The following CACNB3 variants were observed in gnomAD, a reference collection of about 807,000 sequenced individuals.
CACNB3 encodes the protein calcium voltage-gated channel auxiliary subunit beta 3.
CACNB3 carries 36 observed loss-of-function variants against 63.7 expected under a neutral mutation model. The observed-to-expected ratio is 0.57, with a 90% CI of 0.43 to 0.75. The LOEUF is 0.75. Among genes scored for constraint, CACNB3 ranks in the 30% least tolerant of loss-of-function variants. The pLI, the probability that CACNB3 is intolerant of heterozygous loss-of-function variation, is 0.00. For synonymous variants in CACNB3, 241 were observed against 250.6 expected (o/e 0.96, Z 0.36); for missense variants, 493 against 648.6 (o/e 0.76, Z 2.61).
At chr12:48,822,149 C>CTT (rs1384913607) in intron 1 of CACNB3, among the ~76,000 whole-genome samples, 2 of 152,176 alleles carry the variant, frequency 1.3e-5, no homozygotes, top group East Asian at 3.8e-4. Context: ...GCATGAACCC[C>CTT]TTATCTAGGC....
chr12:48,828,025 C>T lies in CACNB3; in HGVS notation c.*126C>T, dbSNP rs1221687618. 4.9e-6 allele frequency: 4 copies of T among 817,376 alleles called. No individual in the cohort carries two copies. In the Admixed American group the frequency reaches 1.0e-4, roughly 21 times the overall value. The allele number at this position is 817,376 out of a possible 1,614,324, so 50.6% of individuals were successfully genotyped here. A position where few individuals can be genotyped will look rare whatever the true frequency, so the allele number is the denominator to read the frequency against. The stretch of plus-strand genomic sequence containing the variant: ...TCAGCCCCCAAAACCCCCTGCCCAG[C>T]CCCAGCTTCAGGGCTGCCTGTGGTC... On this transcript the variant is annotated 3_prime_UTR_variant, in exon 13 of 13. Transcript: ENST00000301050.
chr12:48,825,369 G>T lies in CACNB3; in HGVS notation c.574-65G>T. ...TGTATGTGGAGCGCATTGACTCTGGGGCCATGCATGGGGAGGCTGCTTCTC... is the reference window on the plus strand; with the variant it reads ...TGTATGTGGAGCGCATTGACTCTGGTGCCATGCATGGGGAGGCTGCTTCTC... On this transcript the variant is annotated intron_variant, in intron 7 of 12. Transcript: ENST00000301050. The surrounding 1 kb of genome is among the most constrained non-coding windows in gnomAD (Gnocchi z 4.5). The T allele has an allele frequency of 6.3e-7, 1 of 1,591,642 alleles. No homozygotes were observed.
Position 48,823,368 on chromosome 12 carries a change from C to T in CACNB3, c.70C>T (p.Arg24Cys), listed in dbSNP as rs1937955355. 4 of 1,614,128 alleles carry T rather than the reference C, an allele frequency of 2.5e-6. No homozygotes were observed. Among genetic ancestry groups the T allele is most frequent in the Non-Finnish European group, 1.7e-6 (2 of 1,179,996 alleles). The change falls in exon 2 of 13, where the codon CGC becomes TGC. Residue 24 changes from arginine to cysteine, a missense_variant. By Grantham distance (180) the Arg-to-Cys change is radical (BLOSUM62 -3). Transcript: ENST00000301050. The surrounding 1 kb of genome is among the most constrained non-coding windows in gnomAD (Gnocchi z 4.2). ...GGGTTCAGCCGACTCCTACACCAGC[C>T]GCCCATCTCTGGACTCAGACGTCTC... Reference protein sequence around the residue: ...EAGSADSYTSRPSLDSDVSLE... With the variant: ...EAGSADSYTSCPSLDSDVSLE...
In CACNB3 at chr12:48,827,993, A is replaced by G; in HGVS notation, c.*94A>G. On this transcript the variant is annotated 3_prime_UTR_variant, in exon 13 of 13. Coordinates refer to ENST00000301050, the MANE Select transcript of CACNB3 (RefSeq NM_000725.4). ...GGCGTTAGACTGGCATCAGGCTGGC[A>G]CTAGGCTCAGCCCCCAAAACCCCCT... The G allele has an allele frequency of 9.1e-7, 1 of 1,095,364 alleles. No individual in the cohort carries two copies. Among genetic ancestry groups the G allele is most frequent in the Non-Finnish European group, 1.3e-6 (1 of 751,318 alleles). The allele number at this position is 1,095,364 out of a possible 1,614,324, so 67.9% of individuals were successfully genotyped here. A position where few individuals can be genotyped will look rare whatever the true frequency, so the allele number is the denominator to read the frequency against.
Position 48,818,907 on chromosome 12 carries a change from G to A in CACNB3, c.-23G>A, listed in dbSNP as rs1301041848. 10 of 1,559,288 alleles carry A rather than the reference G, an allele frequency of 6.4e-6. No homozygotes were observed. In the South Asian group the frequency reaches 1.1e-4, roughly 17 times the overall value. ...GCCGCTCCCGCCCCCGGCGCCGCTC[G>A]CTCCCCCGACCCGGACTCCCCCATG... On this transcript the variant is annotated 5_prime_UTR_variant, in exon 1 of 13. Coordinates refer to ENST00000301050, the MANE Select transcript of CACNB3 (RefSeq NM_000725.4). This position sits in a 1 kb window ranked among gnomAD's most constrained non-coding sequence, Gnocchi z 4.3.
In CACNB3 at chr12:48,825,757, C is replaced by T. The variant is rs747404798; in HGVS notation, c.730C>T (p.Arg244Cys). 1.2e-5 allele frequency: 19 copies of T among 1,613,198 alleles called. No individual in the cohort carries two copies. The highest frequency in any genetic ancestry group is 1.7e-5 in the Admixed American group (1 of 60,006). Residue 244 changes from arginine to cysteine, a missense_variant, in exon 9 of 13, where the codon CGC becomes TGC. Physicochemically the swap from Arg to Cys is radical, Grantham distance 180. Coordinates refer to ENST00000301050, the MANE Select transcript of CACNB3 (RefSeq NM_000725.4). The surrounding 1 kb of genome is among the most constrained non-coding windows in gnomAD (Gnocchi z 4.5). ...KRTIIERSSARSSIAEVQSEI... is the reference protein window; with the variant it reads ...KRTIIERSSACSSIAEVQSEI... Reference sequence around the variant, plus strand: ...GACCATCATTGAGCGCTCCTCTGCCCGCTCCAGCATTGGTGAGAAGTCCCC... The same window carrying T: ...GACCATCATTGAGCGCTCCTCTGCCTGCTCCAGCATTGGTGAGAAGTCCCC...
Position 48,827,883 on chromosome 12 carries a change from C to G in CACNB3, c.1439C>G (p.Pro480Arg), listed in dbSNP as rs1938239203. The change falls in exon 13 of 13, where the codon CCC (proline) becomes CGC (arginine). Residue 480 changes from proline to arginine, a missense_variant. Transcript: ENST00000301050. Reference protein sequence around the residue: ...DRNWQRNRPWPKDSY With the variant: ...DRNWQRNRPWRKDSY ...AACTGGCAGCGCAACCGGCCTTGGC[C>G]CAAGGATAGCTACTGACAGCCTCCT... 4 of 1,613,384 alleles carry G rather than the reference C, an allele frequency of 2.5e-6. No individual in the cohort carries two copies. The highest frequency in any genetic ancestry group is 2.7e-5 in the African/African-American group (2 of 74,902).
intron 1 of CACNB3, chr12:48,821,599 G>A (rs1322290410): frequency 2.0e-5 from 3 of 152,208 alleles, no homozygotes; most frequent in African/African-American, 4.8e-5. Context: ...GGTACCCAAT[G>A]TATCTGTACC....
chr12:48,826,392 C>T lies in CACNB3; in HGVS notation c.768C>T (p.Arg256=). 1 of 1,614,160 alleles carries T rather than the reference C, an allele frequency of 6.2e-7. No individual in the cohort carries two copies. Among genetic ancestry groups the T allele is most frequent in the Non-Finnish European group, 8.5e-7 (1 of 1,180,028 alleles). Residue 256 remains arginine, a synonymous_variant, in exon 10 of 13, where the codon CGC becomes CGT. Coordinates refer to ENST00000301050, the MANE Select transcript of CACNB3 (RefSeq NM_000725.4). The surrounding 1 kb of genome is among the most constrained non-coding windows in gnomAD (Gnocchi z 4.8). ...SIAEVQSEIE[R]IFELAKSLQL... is the part of the protein sequence containing the mutation. The stretch of plus-strand genomic sequence containing the variant: ...CGGAAGTGCAGAGTGAGATCGAGCG[C>T]ATATTTGAGCTGGCCAAATCCCTGC...
rs781640184 is a variant in CACNB3, at chr12:48,823,330, C to T, written c.46-14C>T. Reference sequence around the variant, plus strand: ...TGCCGGAGCCTGGGAGTCACAGCCTCTTTCCCAACCCAGGGTTCAGCCGAC... The same window carrying T: ...TGCCGGAGCCTGGGAGTCACAGCCTTTTTCCCAACCCAGGGTTCAGCCGAC... On this transcript the variant is annotated splice_polypyrimidine_tract_variant and intron_variant, in intron 1 of 12. Coordinates refer to ENST00000301050, the MANE Select transcript of CACNB3 (RefSeq NM_000725.4). The surrounding 1 kb of genome is among the most constrained non-coding windows in gnomAD (Gnocchi z 4.2). 1.2e-6 allele frequency: 2 copies of T among 1,612,816 alleles called. No homozygotes were observed. Among genetic ancestry groups the T allele is most frequent in the Non-Finnish European group, 1.7e-6 (2 of 1,179,314 alleles).
At chr12:48,827,450 G>C in intron 12 of CACNB3, 135 bp from the exon 13 acceptor site, 1 of 907,862 alleles carries the variant, frequency 1.1e-6, no homozygotes, top group East Asian at 2.6e-5. Context: ...GAGGAAAAAT[G>C]CTCCAGCATG....
Position 48,827,060 on chromosome 12 carries a change from C to T in CACNB3, c.1077C>T (p.Ala359=). 2.5e-6 allele frequency: 4 copies of T among 1,613,566 alleles called. No homozygotes were observed. The highest frequency in any genetic ancestry group is 3.4e-6 in the Non-Finnish European group (4 of 1,180,030). The part of the protein sequence containing the change: ...LAEYLEVYWR[A]THHPAPGPGL... ...AGTACCTGGAGGTTTACTGGCGGGC[C>T]ACGCACCACCCAGCCCCTGGCCCCG... Residue 359 remains alanine, a synonymous_variant, in exon 12 of 13, where the codon GCC becomes GCT. Transcript: ENST00000301050.
In CACNB3 at chr12:48,818,947, C is replaced by A; in HGVS notation, c.18C>A (p.Tyr6Ter). The A allele has an allele frequency of 6.2e-7, 1 of 1,603,024 alleles. No homozygotes were observed. The highest frequency in any genetic ancestry group is 8.5e-7 in the Non-Finnish European group (1 of 1,174,926). MYDDS[Y>*]VPGFEDSEAG... is the part of the protein sequence containing the mutation. ...ACTCCCCCATGTATGACGACTCCTA[C>A]GTGCCCGGGTTTGAGGACTCGGAGG... Residue 6 changes from tyrosine (Y) to a stop codon, truncating the protein, a stop_gained, in exon 1 of 13, where the codon TAC (tyrosine) becomes TAA (stop). Transcript: ENST00000301050. LOFTEE classifies it high-confidence loss of function. This position sits in a 1 kb window ranked among gnomAD's most constrained non-coding sequence, Gnocchi z 4.3.
chr12:48,815,758 G>GGGC, upstream of CACNB3: 1 of 842,732 alleles, frequency 1.2e-6, no homozygotes, highest in Non-Finnish European at 1.8e-6. Flanking sequence ...GGGGTCGTGG[G>GGGC]AAGGGGGTTC....
rs1451638691 is a variant in CACNB3, at chr12:48,826,816, C to T, written c.952C>T (p.Gln318Ter). Residue 318 changes from glutamine to a stop codon, truncating the protein, a stop_gained, in exon 11 of 13, where the codon CAG becomes TAG. Transcript: ENST00000301050. LOFTEE classifies it high-confidence loss of function. This position sits in a 1 kb window ranked among gnomAD's most constrained non-coding sequence, Gnocchi z 4.8. ...GTCACAGATGAAGCACCTGACCGTA[C>T]AGATGATGGCATATGATAAGCTGGT... ...GKSQMKHLTV[Q>*]MMAYDKLVQC... is the part of the protein sequence containing the mutation. 1.2e-6 allele frequency: 2 copies of T among 1,614,040 alleles called. No individual in the cohort carries two copies. Among genetic ancestry groups the T allele is most frequent in the Non-Finnish European group, 1.7e-6 (2 of 1,180,012 alleles).
chr12:48,825,876 T>G lies in CACNB3; in HGVS notation c.742+107T>G. The G allele has an allele frequency of 4.1e-6, 3 of 725,764 alleles. No homozygotes were observed. Among genetic ancestry groups the G allele is most frequent in the Non-Finnish European group, 4.6e-6 (2 of 431,296 alleles). 45.0% of individuals were successfully genotyped at this position (725,764 alleles called of 1,614,324 possible). The stretch of plus-strand genomic sequence containing the variant: ...TGGAGTCTCGCTCTGTCACCTAGGC[T>G]GGAGTGCAGTGGTGAGATCTCGGCT... On this transcript the variant is annotated intron_variant, in intron 9 of 12. Transcript: ENST00000301050. The surrounding 1 kb of genome is among the most constrained non-coding windows in gnomAD (Gnocchi z 4.5).
chr12:48,827,175 GC>G (rs753157100), intron 12 of CACNB3, 52 bp downstream of exon 12: 1 of 1,591,538 alleles, frequency 6.3e-7, no homozygotes, highest in East Asian at 2.2e-5. Context: ...CCAAGGCACT[GC>G]CCCTCCCTGC....
At chr12:48,822,749 C>T (rs1239909224) in intron 1 of CACNB3, among the ~76,000 whole-genome samples, 1 of 152,218 alleles carries the variant, frequency 6.6e-6, no homozygotes, top group Non-Finnish European at 1.5e-5. Context: ...GTGTCCTCCT[C>T]TTCACCCTGG....
chr12:48,826,925 G>C lies in CACNB3; in HGVS notation c.991-49G>C. The C allele has an allele frequency of 6.2e-7, 1 of 1,613,332 alleles. No individual in the cohort carries two copies. Among genetic ancestry groups the C allele is most frequent in the African/African-American group, 1.3e-5 (1 of 75,022 alleles). The stretch of plus-strand genomic sequence containing the variant: ...GCGGCAGTGATAGAGATGGGTGGGG[G>C]GCTGCTACTGAGGGGAAACCAACGT... On this transcript the variant is annotated intron_variant, in intron 11 of 12. Transcript: ENST00000301050. This position sits in a 1 kb window ranked among gnomAD's most constrained non-coding sequence, Gnocchi z 4.8.
Sources: gnomAD v4.1 joint callset for allele counts (sites outside exome capture counted in the v4.1 genomes callset) on GRCh38, gnomAD v4.1.1 for gene constraint, Gnocchi (gnomAD v3.1) non-coding constraint, MANE v1.5 for transcripts, NCBI Gene and HGNC (gene_info 2026-07-23, HGNC 2026-07-21) for gene names.